The following NFILZ variants were observed in gnomAD, a reference collection of about 807,000 sequenced individuals.
NFILZ encodes the protein NFIL3 like basic leucine zipper.
chr19:8,646,100 G>T (rs1232418711), intron 3 of NFILZ, among the ~76,000 whole-genome samples: 2 of 151,798 alleles, frequency 1.3e-5, no homozygotes, highest in Non-Finnish European at 2.9e-5. Flanking sequence ...CCAGTGGCGC[G>T]ATCTCGGCTC....
intron 3 of NFILZ, among the ~76,000 whole-genome samples, chr19:8,647,547 G>C (rs2042943949): frequency 2.0e-5 from 3 of 151,762 alleles, no homozygotes; most frequent in Admixed American, 2.0e-4. Context: ...ACTCCAGCCT[G>C]GGGGACAAGA....
At chr19:8,647,408 C>T (rs1436205625) in intron 3 of NFILZ, among the ~76,000 whole-genome samples, 1 of 152,074 alleles carries the variant, frequency 6.6e-6, no homozygotes, top group Non-Finnish European at 1.5e-5. Context: ...CTTGTCTCTA[C>T]TAAAAATACA....
chr19:8,656,445 C>CTTCCCTGAAGCCCACCTTCTTCCT (rs1568421649), intron 3 of NFILZ, among the ~76,000 whole-genome samples: 1 of 18,826 alleles, frequency 5.3e-5, no homozygotes, highest in African/African-American at 1.2e-4. Flanking sequence ...ACCTTCTCCT[C>CTTCCCTGAAGCCCACCTTCTTCCT]GAAGCCCACC....
rs71179868 is a variant in NFILZ at position 8,631,830 on chromosome 19, T to TTGTG, written c.-410-612_-410-609dup. On this transcript the variant is annotated intron_variant, in intron 1 of 5. Coordinates refer to ENST00000691075, the MANE Select transcript of NFILZ (RefSeq NM_001378600.1). ...GGCTTGGTCACTCCAGTCCTCGCTTTTGTGTGTGTGTGTGTGTGTGTGTGT... is the reference window on the plus strand; with the variant it reads ...GGCTTGGTCACTCCAGTCCTCGCTTTTGTGTGTGTGTGTGTGTGTGTGTGTGTGT... 6.5e-3 allele frequency among the ~76,000 whole-genome samples: 956 copies of TTGTG among 145,970 alleles called. 5 individuals are homozygous for TTGTG. The highest frequency in any genetic ancestry group is 0.019 in the African/African-American group (742 of 39,162).
rs1035856467 is a variant in NFILZ at position 8,635,646 on chromosome 19, A to G, written c.-260-4A>G. On this transcript the variant is annotated splice_polypyrimidine_tract_variant and splice_region_variant and intron_variant, in intron 2 of 5. Coordinates refer to ENST00000691075, the MANE Select transcript of NFILZ (RefSeq NM_001378600.1). Reference sequence around the variant, plus strand: ...TCACCATGCATCCATTCATTTGTTGACAGACACGTGAGTTGTTTCCAGTTT... The same window carrying G: ...TCACCATGCATCCATTCATTTGTTGGCAGACACGTGAGTTGTTTCCAGTTT... 1 of 152,140 alleles carries G rather than the reference A, an allele frequency of 6.6e-6. No individual in the cohort carries two copies. The highest frequency in any genetic ancestry group is 1.9e-4 in the East Asian group (1 of 5,194). 9.4% of individuals were successfully genotyped at this position (152,140 alleles called of 1,614,324 possible). A position where few individuals can be genotyped will look rare whatever the true frequency, so the allele number is the denominator to read the frequency against.
At chr19:8,638,178 C>T (rs2042903520) in intron 3 of NFILZ, among the ~76,000 whole-genome samples, 1 of 152,162 alleles carries the variant, frequency 6.6e-6, no homozygotes, top group Admixed American at 6.5e-5. Context: ...CCCCTAGATT[C>T]TACAACGAAC....
intron 1 of NFILZ, among the ~76,000 whole-genome samples, chr19:8,632,164 C>T (rs10406716): frequency 0.65 from 99,107 of 151,620 alleles, 33,427 homozygotes; most frequent in South Asian, 0.81. Flanking sequence ...CCACCGCGCC[C>T]GGCCGCCCTT....
intron 2 of NFILZ, among the ~76,000 whole-genome samples, chr19:8,633,877 C>CCCTCCCTTCCTT (rs2042881467): frequency 1.2e-5 from 1 of 84,462 alleles, no homozygotes; most frequent in Non-Finnish European, 2.4e-5. Context: ...TAACTTTTCT[C>CCCTCCCTTCCTT]CCTTCCTTCC....
At chr19:8,654,264 A>AAACAAACC (rs1555748078) in intron 3 of NFILZ, among the ~76,000 whole-genome samples, 1 of 151,294 alleles carries the variant, frequency 6.6e-6, no homozygotes, top group African/African-American at 2.4e-5. Context: ...ACAAACAAAC[A>AAACAAACC]AACCAAAAAA....
chr19:8,663,738 G>GTGTGTGTGTGTATGTGTGTGTT (rs1568423351), intron 3 of NFILZ, among the ~76,000 whole-genome samples: 1 of 23,924 alleles, frequency 4.2e-5, no homozygotes, highest in Non-Finnish European at 8.6e-5. Context: ...GTGTGTGTGT[G>GTGTGTGTGTGTATGTGTGTGTT]TGTGTGTGTG....
At position 8,678,832 on chromosome 19, in the gene NFILZ, TC is replaced by T. The variant is rs2043131392; in HGVS notation, c.*1198del. On this transcript the variant is annotated 3_prime_UTR_variant, in exon 6 of 6. Coordinates refer to ENST00000691075, the MANE Select transcript of NFILZ (RefSeq NM_001378600.1). ...TGTCCCCTCACCCACCCACTCACGATCTTTAGACCTTCCTTTTGTGCCCAGT... is the reference window on the plus strand; with the variant it reads ...TGTCCCCTCACCCACCCACTCACGATTTTAGACCTTCCTTTTGTGCCCAGT... Among the ~76,000 whole-genome samples, 1 of 152,316 alleles carries T rather than the reference TC, an allele frequency of 6.6e-6. No homozygotes were observed. The highest frequency in any genetic ancestry group is 1.9e-4 in the East Asian group (1 of 5,194).
chr19:8,675,704 C>T (rs1209434179), intron 4 of NFILZ, among the ~76,000 whole-genome samples: 1 of 152,204 alleles, frequency 6.6e-6, no homozygotes, highest in Non-Finnish European at 1.5e-5. Flanking sequence ...CAGTTCAAGG[C>T]TGCAGTGAAC....
At chr19:8,636,832 TC>T (rs1490426703) in intron 3 of NFILZ, among the ~76,000 whole-genome samples, 1 of 152,058 alleles carries the variant, frequency 6.6e-6, no homozygotes, top group Non-Finnish European at 1.5e-5. Context: ...CCACAAGTGA[TC>T]CGCCCACCTT....
intron 3 of NFILZ, among the ~76,000 whole-genome samples, chr19:8,649,428 G>A (rs1555747503): frequency 6.6e-6 from 1 of 151,624 alleles, no homozygotes; most frequent in Admixed American, 6.6e-5. Flanking sequence ...ATCACGCCTA[G>A]CTAATTTTTT....
chr19:8,653,019 T>C (rs1227391797), intron 3 of NFILZ, among the ~76,000 whole-genome samples: 11 of 55,192 alleles, frequency 2.0e-4, no homozygotes, highest in Admixed American at 6.5e-4. Flanking sequence ...TTCCTTTCTT[T>C]CTTTCTTTCT....
At chr19:8,660,948 TCCTC>T (rs548870089) in intron 3 of NFILZ, among the ~76,000 whole-genome samples, 79 of 145,022 alleles carry the variant, frequency 5.4e-4, no homozygotes, top group East Asian at 3.8e-3. Flanking sequence ...CCTCCTTCCT[TCCTC>T]CCTCCCTCCC....
rs1284944970 is a variant in NFILZ at position 8,678,739 on chromosome 19, C to T, written c.*1104C>T. On this transcript the variant is annotated 3_prime_UTR_variant, in exon 6 of 6. Coordinates refer to ENST00000691075, the MANE Select transcript of NFILZ (RefSeq NM_001378600.1). ...TCCTTTCATTCATTTATTCATTTAG[C>T]CACTCATTTATGTGCTAACTTGTTT... 6.6e-6 allele frequency among the ~76,000 whole-genome samples: 1 copy of T among 152,190 alleles called. No homozygotes were observed. Among genetic ancestry groups the T allele is most frequent in the Non-Finnish European group, 1.5e-5 (1 of 68,044 alleles).
In NFILZ at chr19:8,677,791, C is replaced by A. The variant is rs1555750831; in HGVS notation, c.*156C>A. Among the ~76,000 whole-genome samples the A allele has an allele frequency of 6.6e-6, 1 of 152,060 alleles. No individual in the cohort carries two copies. The highest frequency in any genetic ancestry group is 1.9e-4 in the East Asian group (1 of 5,174). ...CTTGGAAGGTCCACTTCACAGCTTC[C>A]ATACCAGACCTCCTAGGGGTGGAGT... is the stretch of plus-strand genomic sequence containing the variant. On this transcript the variant is annotated 3_prime_UTR_variant, in exon 6 of 6. Coordinates refer to ENST00000691075, the MANE Select transcript of NFILZ (RefSeq NM_001378600.1).
chr19:8,665,727 A>G (rs1054439170), intron 3 of NFILZ, among the ~76,000 whole-genome samples: 1 of 152,214 alleles, frequency 6.6e-6, no homozygotes, highest in African/African-American at 2.4e-5. Context: ...CCTTGCTAGC[A>G]TTAGGTTTTA....
Sources: gnomAD v4.1 joint callset for allele counts (sites outside exome capture counted in the v4.1 genomes callset) on GRCh38, gnomAD v4.1.1 for gene constraint, MANE v1.5 for transcripts, NCBI Gene and HGNC (gene_info 2026-07-23, HGNC 2026-07-21) for gene names.